Variants in WDR25 observed in about 807,000 individuals in gnomAD.
WDR25 encodes the protein WD repeat domain 25.
In WDR25, 35 loss-of-function variants were observed where a neutral mutation model predicts 47.7. The observed-to-expected ratio is 0.73, with a 90% CI of 0.56 to 0.97. The LOEUF (loss-of-function observed/expected upper bound fraction) is 0.97. WDR25 is among the 50% of genes least tolerant of loss of function. The pLI is 0.00. For synonymous variants in WDR25, 248 were observed against 278.9 expected (o/e 0.89, Z 1.10); for missense variants, 634 against 704.7 (o/e 0.90, Z 1.14).
intron 3 of WDR25, among the ~76,000 whole-genome samples, chr14:100,483,044 C>G (rs545199880): frequency 6.6e-6 from 1 of 152,166 alleles, no homozygotes; most frequent in Admixed American, 6.5e-5. Context: ...CACTCAGAGA[C>G]TCCCACAGTG....
At chr14:100,436,264 C>A (rs1898496565) in intron 2 of WDR25, among the ~76,000 whole-genome samples, 1 of 152,176 alleles carries the variant, frequency 6.6e-6, no homozygotes, top group African/African-American at 2.4e-5. Context: ...GTCCCACAAG[C>A]AGTGGGAGCC....
intron 4 of WDR25, among the ~76,000 whole-genome samples, chr14:100,514,459 AT>A (rs1210505005): frequency 2.7e-5 from 4 of 149,416 alleles, no homozygotes; most frequent in South Asian, 4.2e-4. Flanking sequence ...TCCCCCATCC[AT>A]TTTTTTCACT....
rs1898244361 is a variant in WDR25, at chr14:100,428,810, A to T, written c.823-39211A>T. ...TAATTTAGTTGCACATTCATATTTAAAATCTCATATGAATTAATTTCATGA... is the reference window on the plus strand; with the variant it reads ...TAATTTAGTTGCACATTCATATTTATAATCTCATATGAATTAATTTCATGA... On this transcript the variant is annotated intron_variant, in intron 2 of 6. Coordinates refer to ENST00000402312, the MANE Select transcript of WDR25 (RefSeq NM_001161476.3). The surrounding 1 kb of genome is among the most constrained non-coding windows in gnomAD (Gnocchi z 4.3). Among the ~76,000 whole-genome samples the T allele has an allele frequency of 6.6e-6, 1 of 152,184 alleles. No individual in the cohort carries two copies. The highest frequency in any genetic ancestry group is 1.5e-5 in the Non-Finnish European group (1 of 68,028).
intron 2 of WDR25, chr14:100,455,081 G>C (rs971533115): frequency 6.6e-6 from 1 of 152,262 alleles, no homozygotes; most frequent in African/African-American, 2.4e-5. Flanking sequence ...GGAGCTTATT[G>C]CCAAGATGAT....
At position 100,522,961 on chromosome 14, in the gene WDR25, A is replaced by G. The variant is rs541544865; in HGVS notation, c.1102-2909A>G. ...CAGCTTTCCTTTGTCTCCACGTCTG[A>G]GGCACAGGGCAGGGGCTGGCTCAAT... On this transcript the variant is annotated intron_variant, in intron 4 of 6. Transcript: ENST00000402312. Among the ~76,000 whole-genome samples the G allele has an allele frequency of 3.9e-5, 6 of 152,206 alleles. No individual in the cohort carries two copies. The East Asian group carries it at 1.2e-3, about 29-fold the overall frequency.
intron 3 of WDR25, among the ~76,000 whole-genome samples, chr14:100,469,283 T>C (rs1306284491): frequency 6.6e-6 from 1 of 152,324 alleles, no homozygotes; most frequent in East Asian, 1.9e-4. Flanking sequence ...GGTGGTTTGT[T>C]TCCACCTTGA....
In WDR25 at chr14:100,488,894, G is replaced by A. The variant is rs1319412106; in HGVS notation, c.1101+4770G>A. 6.6e-6 allele frequency among the ~76,000 whole-genome samples: 1 copy of A among 152,210 alleles called. No individual in the cohort carries two copies. Among genetic ancestry groups the A allele is most frequent in the Non-Finnish European group, 1.5e-5 (1 of 68,042 alleles). On this transcript the variant is annotated intron_variant, in intron 4 of 6. Coordinates refer to ENST00000402312, the MANE Select transcript of WDR25 (RefSeq NM_001161476.3). This position sits in a 1 kb window ranked among gnomAD's most constrained non-coding sequence, Gnocchi z 4.2. ...ACAGCCGCTTGGTGTGGGAGCCTGA[G>A]TCACCTCTGTGCCTGGCATCCCCGA...
intron 2 of WDR25, among the ~76,000 whole-genome samples, chr14:100,402,777 T>C (rs1388394091): frequency 6.6e-6 from 1 of 152,180 alleles, no homozygotes. Context: ...GAATCGGTTT[T>C]CTCTCCCTGT....
intron 2 of WDR25, among the ~76,000 whole-genome samples, chr14:100,412,338 G>A (rs146797743): frequency 1.3e-5 from 2 of 152,272 alleles, no homozygotes; most frequent in East Asian, 3.9e-4. Flanking sequence ...GGCAGTGCTC[G>A]GTATTAGGTG....
chr14:100,412,254 C>T (rs184781883), intron 2 of WDR25, among the ~76,000 whole-genome samples: 357 of 149,236 alleles, frequency 2.4e-3, no homozygotes, highest in African/African-American at 8.4e-3. Flanking sequence ...GTGCGTTATT[C>T]GGGAACTGTG....
intron 2 of WDR25, chr14:100,382,037 G>A (rs964685033): frequency 2.8e-6 from 2 of 702,476 alleles, no homozygotes; most frequent in African/African-American, 3.5e-5. Flanking sequence ...GAGAAGAAAA[G>A]CAGGCCCAGG....
At position 100,529,950 on chromosome 14, in the gene WDR25, C is replaced by T. The variant is rs769997071; in HGVS notation, c.1544C>T (p.Thr515Ile). 8 of 1,613,584 alleles carry T rather than the reference C, an allele frequency of 5.0e-6. No homozygotes were observed. The highest frequency in any genetic ancestry group is 5.1e-6 in the Non-Finnish European group (6 of 1,180,036). Residue 515 changes from threonine (T) to isoleucine (I), a missense_variant, in exon 7 of 7, where the codon ACA (threonine) becomes ATA (isoleucine). Physicochemically the swap from Thr to Ile is moderately conservative, Grantham distance 89 (BLOSUM62 -1). Transcript: ENST00000402312. The surrounding 1 kb of genome is among the most constrained non-coding windows in gnomAD (Gnocchi z 5.1). ...ASRACTLQGH[T>I]QACVGTTYHP... ...CGAGCATGCACACTGCAGGGGCACACACAGGCCTGTGTCGGCACCACCTAT... is the reference window on the plus strand; with the variant it reads ...CGAGCATGCACACTGCAGGGGCACATACAGGCCTGTGTCGGCACCACCTAT...
chr14:100,406,550 C>T (rs1897544228), intron 2 of WDR25: 1 of 152,250 alleles, frequency 6.6e-6, no homozygotes. Context: ...GACAGTGGCA[C>T]CAAGTCCTGC....
At chr14:100,429,625 C>G (rs957413505) in intron 2 of WDR25, among the ~76,000 whole-genome samples, 4 of 152,158 alleles carry the variant, frequency 2.6e-5, no homozygotes, top group African/African-American at 7.2e-5. Flanking sequence ...ACAAAATACC[C>G]TAGACTGAGT....
chr14:100,392,835 A>G lies in WDR25; in HGVS notation c.822+11089A>G, dbSNP rs1897174691. On this transcript the variant is annotated intron_variant, in intron 2 of 6. Transcript: ENST00000402312. This position sits in a 1 kb window ranked among gnomAD's most constrained non-coding sequence, Gnocchi z 4.2. ...AATGCTGAAGTGGTTATCTTCATGC[A>G]TGAAACCCTTTTCTGTTGGATTATT... 6.6e-6 allele frequency among the ~76,000 whole-genome samples: 1 copy of G among 152,222 alleles called. No homozygotes were observed. Among genetic ancestry groups the G allele is most frequent in the South Asian group, 2.1e-4 (1 of 4,836 alleles).
chr14:100,453,027 A>G (rs984858888), intron 2 of WDR25, among the ~76,000 whole-genome samples: 5 of 151,982 alleles, frequency 3.3e-5, no homozygotes, highest in Non-Finnish European at 7.4e-5. Flanking sequence ...CCACAGAGGC[A>G]AGGAGAAGTG....
At chr14:100,459,894 GTATATATATA>G (rs61706956) in intron 2 of WDR25, among the ~76,000 whole-genome samples, 1,760 of 78,222 alleles carry the variant, frequency 0.023, 42 homozygotes, top group East Asian at 0.026. Context: ...GTGTGTGTGT[GTATATATATA>G]TATATATATA....
At chr14:100,455,765 C>T (rs1038047279) in intron 2 of WDR25, among the ~76,000 whole-genome samples, 1 of 152,092 alleles carries the variant, frequency 6.6e-6, no homozygotes, top group African/African-American at 2.4e-5. Context: ...AGATAGAAAA[C>T]TAAAAATGGT....
chr14:100,491,376 A>C (rs936597405), intron 4 of WDR25, among the ~76,000 whole-genome samples: 1 of 152,268 alleles, frequency 6.6e-6, no homozygotes, highest in Non-Finnish European at 1.5e-5. Flanking sequence ...TTGAATGAAC[A>C]TACAGTCATG....
Sources: allele counts gnomAD v4.1 joint callset (sites outside exome capture counted in the v4.1 genomes callset), GRCh38; gene constraint gnomAD v4.1.1; non-coding constraint Gnocchi (gnomAD v3.1); transcripts MANE v1.5; gene names NCBI Gene and HGNC (gene_info 2026-07-23, HGNC 2026-07-21).